VWC2L: variants seen among roughly 807,000 people sequenced by gnomAD.
VWC2L encodes von Willebrand factor C domain containing 2 like.
In VWC2L, 10 loss-of-function variants were observed where a neutral mutation model predicts 21.6. The observed-to-expected ratio is 0.46, with a 90% CI of 0.29 to 0.78. The LOEUF is 0.78. Ranked by LOEUF, VWC2L falls within the 30% of genes least tolerant of loss-of-function variation. The pLI, the probability that VWC2L is intolerant of heterozygous loss-of-function variation, is 0.10. For synonymous variants in VWC2L, 96 were observed against 94.3 expected, an observed-to-expected ratio of 1.02 and a Z score of -0.10; for missense variants, 209 against 277.1, an observed-to-expected ratio of 0.75 and a Z score of 1.74.
intron 3 of VWC2L, among the ~76,000 whole-genome samples, chr2:214,516,111 C>T (rs985971076): frequency 2.6e-5 from 4 of 152,142 alleles, no homozygotes; most frequent in Non-Finnish European, 1.5e-5. Flanking sequence ...TCCTGACTCA[C>T]ATTCAGTGAC....
chr2:214,493,743 G>C (rs1444656444), intron 3 of VWC2L, among the ~76,000 whole-genome samples: 1 of 152,192 alleles, frequency 6.6e-6, no homozygotes, highest in African/African-American at 2.4e-5. Flanking sequence ...GTCCATCTAA[G>C]GTACTGGGGA....
At chr2:214,551,701 C>T (rs888503805) in intron 3 of VWC2L, among the ~76,000 whole-genome samples, 13 of 152,210 alleles carry the variant, frequency 8.5e-5, no homozygotes, top group Non-Finnish European at 1.5e-4. Flanking sequence ...TTCCCACTTG[C>T]CTAGCAAAAT....
chr2:214,530,945 G>A (rs147236152), intron 3 of VWC2L, among the ~76,000 whole-genome samples: 22 of 152,278 alleles, frequency 1.4e-4, no homozygotes, highest in Middle Eastern at 6.8e-3. Flanking sequence ...ATGAATAGGT[G>A]AAAACAAAAA....
intron 3 of VWC2L, among the ~76,000 whole-genome samples, chr2:214,559,015 T>C: frequency 7.5e-6 from 1 of 133,186 alleles, no homozygotes; most frequent in African/African-American, 3.3e-5. Flanking sequence ...ATGCTATCCC[T>C]CCCCCCTCCC....
chr2:214,569,081 T>C (rs1369281243), intron 3 of VWC2L, among the ~76,000 whole-genome samples: 1 of 152,166 alleles, frequency 6.6e-6, no homozygotes, highest in Non-Finnish European at 1.5e-5. Context: ...TGACACTAAT[T>C]TGATATTACT....
chr2:214,412,033 T>TTA (rs1553579390), intron 1 of VWC2L, among the ~76,000 whole-genome samples: 79 of 149,500 alleles, frequency 5.3e-4, no homozygotes, highest in African/African-American at 1.7e-3. Flanking sequence ...GGCTTTTTTT[T>TTA]AAAAAAAAAA....
chr2:214,552,183 G>T lies in VWC2L; in HGVS notation c.521-23489G>T, dbSNP rs1689805254. Among the ~76,000 whole-genome samples the T allele has an allele frequency of 3.3e-5, 5 of 152,106 alleles. No individual in the cohort carries two copies. In the South Asian group the frequency reaches 8.3e-4, roughly 25 times the overall value. ...CACTCAGAACTTCTTTTCCTAACCT[G>T]CAACCTTTCCTCACTACTGGCTTTT... On this transcript the variant is annotated intron_variant, in intron 3 of 3. Coordinates refer to ENST00000312504, the MANE Select transcript of VWC2L (RefSeq NM_001080500.4).
At chr2:214,537,388 G>A (rs1689551312) in intron 3 of VWC2L, among the ~76,000 whole-genome samples, 1 of 151,698 alleles carries the variant, frequency 6.6e-6, no homozygotes, top group Non-Finnish European at 1.5e-5. Context: ...GAAGCTGGAA[G>A]ACATTATGCC....
At chr2:214,519,488 T>C (rs1391308882) in intron 3 of VWC2L, among the ~76,000 whole-genome samples, 1 of 152,172 alleles carries the variant, frequency 6.6e-6, no homozygotes, top group Admixed American at 6.5e-5. Context: ...TTGCCCACAT[T>C]GGAAACCATG....
chr2:214,447,964 C>G (rs933638991), intron 3 of VWC2L, among the ~76,000 whole-genome samples: 1 of 151,974 alleles, frequency 6.6e-6, no homozygotes, highest in African/African-American at 2.4e-5. Flanking sequence ...CTGCTTGTCT[C>G]AGACCCCACC....
chr2:214,512,669 T>C (rs74944610), intron 3 of VWC2L, among the ~76,000 whole-genome samples: 3,393 of 151,164 alleles, frequency 0.022, 69 homozygotes, highest in Middle Eastern at 0.037. Context: ...TGACCAAATG[T>C]AAAAGAGTAG....
intron 3 of VWC2L, among the ~76,000 whole-genome samples, chr2:214,439,334 T>G (rs888956859): frequency 1.2e-4 from 18 of 151,986 alleles, no homozygotes; most frequent in Non-Finnish European, 2.2e-4. Context: ...ATGATTTAAG[T>G]CTATCTCATT....
chr2:214,464,990 C>G (rs1054555699), intron 3 of VWC2L, among the ~76,000 whole-genome samples: 1 of 152,088 alleles, frequency 6.6e-6, no homozygotes, highest in Non-Finnish European at 1.5e-5. Flanking sequence ...TTTTAGTCAG[C>G]GTGTGGTGGA....
intron 3 of VWC2L, among the ~76,000 whole-genome samples, chr2:214,437,776 A>G (rs967382392): frequency 1.3e-5 from 2 of 152,160 alleles, no homozygotes; most frequent in African/African-American, 2.4e-5. Flanking sequence ...ACCTTTTATA[A>G]AAGATAAAAA....
At chr2:214,563,578 A>AAAAAAAAAAG (rs1229933171) in intron 3 of VWC2L, among the ~76,000 whole-genome samples, 1 of 133,530 alleles carries the variant, frequency 7.5e-6, no homozygotes, top group Non-Finnish European at 1.6e-5. Flanking sequence ...AAAAAAAAAA[A>AAAAAAAAAAG]AAATCAAGTG....
chr2:214,521,382 C>T (rs571976613), intron 3 of VWC2L, among the ~76,000 whole-genome samples: 136 of 152,292 alleles, frequency 8.9e-4, no homozygotes, highest in African/African-American at 3.2e-3. Context: ...GTAAATGACT[C>T]AGTCAAGAAA....
At position 214,413,965 on chromosome 2, in the gene VWC2L, C is replaced by A. The variant is rs1702315350; in HGVS notation, c.-80-149C>A. 3 of 454,236 alleles carry A rather than the reference C, an allele frequency of 6.6e-6. No individual in the cohort carries two copies. The Admixed American group carries it at 1.3e-4, about 19-fold the overall frequency. 28.1% of individuals were successfully genotyped at this position (454,236 alleles called of 1,614,324 possible). On this transcript the variant is annotated intron_variant, in intron 1 of 3. Transcript: ENST00000312504. ...CCAAGTATCAACTCTCCAAACCTCA[C>A]AATAAGGCACAGATAGTTGCATGAA... is the stretch of plus-strand genomic sequence containing the variant.
At chr2:214,528,366 AAG>A (rs751362229) in intron 3 of VWC2L, among the ~76,000 whole-genome samples, 14 of 152,278 alleles carry the variant, frequency 9.2e-5, no homozygotes, top group Non-Finnish European at 1.9e-4. Flanking sequence ...TTGAAGAGAT[AAG>A]CCCCACAGTG....
At chr2:214,495,559 G>C (rs542916650) in intron 3 of VWC2L, among the ~76,000 whole-genome samples, 1 of 152,140 alleles carries the variant, frequency 6.6e-6, no homozygotes, top group Non-Finnish European at 1.5e-5. Flanking sequence ...TGCCCCACTA[G>C]TTTGGCAGTG....
Sources: allele counts gnomAD v4.1 joint callset (sites outside exome capture counted in the v4.1 genomes callset), GRCh38; gene constraint gnomAD v4.1.1; transcripts MANE v1.5; gene names NCBI Gene and HGNC (gene_info 2026-07-23, HGNC 2026-07-21).